Variants in MYO7B observed in about 807,000 individuals in gnomAD.
MYO7B encodes the protein unconventional myosin-VIIb.
A neutral mutation model predicts 259.7 loss-of-function variants in MYO7B; 212 were observed. That is an observed-to-expected ratio of 0.82 (90% CI 0.73 to 0.91). The LOEUF (loss-of-function observed/expected upper bound fraction) is 0.91, where lower values mean the gene tolerates loss of function less well. Ranked by LOEUF, MYO7B falls within the 40% of genes least tolerant of loss-of-function variation. MYO7B has a pLI of 0.00. For synonymous variants in MYO7B, 1,197 were observed against 1,166.4 expected, an observed-to-expected ratio of 1.03 and a Z score of -0.54; for missense variants, 2,732 against 2,813.5, an observed-to-expected ratio of 0.97 and a Z score of 0.66.
At chr2:127,631,428 T>G in intron 37 of MYO7B, 65 bp downstream of exon 37, 1 of 1,567,822 alleles carries the variant, frequency 6.4e-7, no homozygotes, top group Non-Finnish European at 8.7e-7. Flanking sequence ...CAGCACATCC[T>G]GGCCCTACAG....
intron 35 of MYO7B, among the ~76,000 whole-genome samples, chr2:127,630,047 C>G (rs1681384042): frequency 6.6e-6 from 1 of 152,210 alleles, no homozygotes; most frequent in African/African-American, 2.4e-5. Flanking sequence ...GGTGTTCCCT[C>G]CCTCTTCCAT....
intron 6 of MYO7B, among the ~76,000 whole-genome samples, chr2:127,573,233 A>G (rs2104904132): frequency 6.6e-6 from 1 of 152,328 alleles, no homozygotes; most frequent in East Asian, 1.9e-4. Context: ...AACAAATCAA[A>G]TATCATAGAA....
In MYO7B at chr2:127,547,872, C is replaced by G. The variant is rs371294767; in HGVS notation, c.-23-11828C>G. Among the ~76,000 whole-genome samples, 11 of 152,286 alleles carry G rather than the reference C, an allele frequency of 7.2e-5. No individual in the cohort carries two copies. The East Asian group carries it at 1.9e-3, about 27-fold the overall frequency. On this transcript the variant is annotated intron_variant, in intron 1 of 47. Coordinates refer to ENST00000409816, the MANE Select transcript of MYO7B (RefSeq NM_001393586.1). Reference sequence around the variant, plus strand: ...AAAGTATTTCCTCTGCTTCTGTTTCCTGGAAGATACTATGGAGAATTAGGC... The same window carrying G: ...AAAGTATTTCCTCTGCTTCTGTTTCGTGGAAGATACTATGGAGAATTAGGC...
chr2:127,615,014 G>A lies in MYO7B; in HGVS notation c.3398+2411G>A, dbSNP rs1680517091. Reference sequence around the variant, plus strand: ...CCCACTCTGGGTCAGGCCCCAGCCTGAGGGCCAGGGACAGAGATGAAGAAG... The same window carrying A: ...CCCACTCTGGGTCAGGCCCCAGCCTAAGGGCCAGGGACAGAGATGAAGAAG... On this transcript the variant is annotated intron_variant, in intron 26 of 47. Coordinates refer to ENST00000409816, the MANE Select transcript of MYO7B (RefSeq NM_001393586.1). This position sits in a 1 kb window ranked among gnomAD's most constrained non-coding sequence, Gnocchi z 4.4. Among the ~76,000 whole-genome samples the A allele has an allele frequency of 6.6e-6, 1 of 152,206 alleles. No homozygotes were observed. The highest frequency in any genetic ancestry group is 2.4e-5 in the African/African-American group (1 of 41,458).
intron 11 of MYO7B, 53 bp downstream of exon 11, chr2:127,582,063 G>T (rs201450322): frequency 3.7e-6 from 6 of 1,609,716 alleles, no homozygotes; most frequent in Non-Finnish European, 5.1e-6. Context: ...CCACGGCTCT[G>T]CTTCTTGCTG....
intron 26 of MYO7B, among the ~76,000 whole-genome samples, chr2:127,617,494 T>G (rs1018544582): frequency 8.0e-6 from 1 of 125,736 alleles, no homozygotes; most frequent in South Asian, 3.1e-4. Flanking sequence ...GGGGTTTTTT[T>G]TTTTTTTTTT....
At position 127,556,570 on chromosome 2, in the gene MYO7B, C is replaced by A. The variant is rs559023792; in HGVS notation, c.-23-3130C>A. Among the ~76,000 whole-genome samples, 8 of 152,222 alleles carry A rather than the reference C, an allele frequency of 5.3e-5. No individual in the cohort carries two copies. In the South Asian group the frequency reaches 1.7e-3, roughly 32 times the overall value. On this transcript the variant is annotated intron_variant, in intron 1 of 47. Coordinates refer to ENST00000409816, the MANE Select transcript of MYO7B (RefSeq NM_001393586.1). ...TTAGAACTCCTTTTAGCAGTTCTTG[C>A]AGTGCTGGCTTGGTAGTGGCAAATT...
At chr2:127,566,958 C>G in intron 5 of MYO7B, 131 bp downstream of exon 5, 1 of 955,320 alleles carries the variant, frequency 1.0e-6, no homozygotes, top group Non-Finnish European at 1.5e-6. Context: ...CAGCACACAA[C>G]GGCCCCAGTT....
chr2:127,548,678 T>C (rs1314536606), intron 1 of MYO7B, among the ~76,000 whole-genome samples: 1 of 152,174 alleles, frequency 6.6e-6, no homozygotes, highest in Non-Finnish European at 1.5e-5. Context: ...CCTCCCAAAG[T>C]GCTGGGGTTA....
rs762603886 is a variant in MYO7B, at chr2:127,584,351, C to T, written c.1554+19C>T. 2.4e-5 allele frequency: 39 copies of T among 1,611,718 alleles called. No individual in the cohort carries two copies. Among genetic ancestry groups the T allele is most frequent in the East Asian group, 8.9e-5 (4 of 44,884 alleles). On this transcript the variant is annotated intron_variant, in intron 13 of 47. Transcript: ENST00000409816. The surrounding 1 kb of genome is among the most constrained non-coding windows in gnomAD (Gnocchi z 5.8). ...CCCGCAGGTGTGTGTTCGGGCCTGC[C>T]GACCTTCTGGTGGAGGCCCTGCTAT...
At chr2:127,582,576 G>T in intron 12 of MYO7B, 130 bp downstream of exon 12, 1 of 1,116,490 alleles carries the variant, frequency 9.0e-7, no homozygotes, top group Admixed American at 2.3e-5. Context: ...CCAGATCCGT[G>T]TGCTCTGCAT....
At chr2:127,555,237 G>C (rs761199093) in intron 1 of MYO7B, among the ~76,000 whole-genome samples, 2 of 152,158 alleles carry the variant, frequency 1.3e-5, no homozygotes, top group African/African-American at 4.8e-5. Context: ...TTGAGCCACC[G>C]TGCCTGGCCG....
At chr2:127,536,820 A>G (rs553726083) in intron 1 of MYO7B, among the ~76,000 whole-genome samples, 1 of 152,282 alleles carries the variant, frequency 6.6e-6, no homozygotes, top group East Asian at 1.9e-4. Context: ...CACTCAGCTC[A>G]TCAGCCCACC....
intron 19 of MYO7B, 75 bp from the exon 20 acceptor site, chr2:127,605,769 A>G (rs1680137803): frequency 1.5e-6 from 2 of 1,337,794 alleles, no homozygotes; most frequent in Non-Finnish European, 2.1e-6. Flanking sequence ...TTCCCTTCCA[A>G]ACCAGTTTTT....
At chr2:127,555,099 C>G (rs542578992) in intron 1 of MYO7B, among the ~76,000 whole-genome samples, 8 of 152,170 alleles carry the variant, frequency 5.3e-5, no homozygotes, top group Admixed American at 1.3e-4. Flanking sequence ...AGGTGCCCAC[C>G]ACCATGCCTG....
intron 19 of MYO7B, among the ~76,000 whole-genome samples, chr2:127,604,475 C>T (rs1388982322): frequency 6.6e-6 from 1 of 152,234 alleles, no homozygotes; most frequent in Non-Finnish European, 1.5e-5. Flanking sequence ...GGCTGTTTCA[C>T]TTTCTCATCA....
rs1239899513 is a variant in MYO7B at position 127,608,894 on chromosome 2, T to C, written c.2814+16T>C. ...GCACTTTGAGGTAACACAAGCCTGGTGTCCACAATCCGCCCCGGGTGGGGA... is the reference window on the plus strand; with the variant it reads ...GCACTTTGAGGTAACACAAGCCTGGCGTCCACAATCCGCCCCGGGTGGGGA... On this transcript the variant is annotated intron_variant, in intron 22 of 47. Coordinates refer to ENST00000409816, the MANE Select transcript of MYO7B (RefSeq NM_001393586.1). 6.2e-7 allele frequency: 1 copy of C among 1,606,860 alleles called. No individual in the cohort carries two copies. Among genetic ancestry groups the C allele is most frequent in the Non-Finnish European group, 8.5e-7 (1 of 1,176,062 alleles).
At chr2:127,619,166 T>C (rs1467495750) in intron 26 of MYO7B, among the ~76,000 whole-genome samples, 1 of 117,466 alleles carries the variant, frequency 8.5e-6, no homozygotes, top group Non-Finnish European at 1.7e-5. Context: ...GGTTGGGTTG[T>C]GGTGGCTGGT....
At chr2:127,593,425 G>C in intron 17 of MYO7B, 121 bp from the exon 18 acceptor site, 1 of 953,920 alleles carries the variant, frequency 1.0e-6, no homozygotes, top group Admixed American at 2.6e-5. Flanking sequence ...TGCCTGGGCG[G>C]GGGTGGGCGG....
Sources: allele counts gnomAD v4.1 joint callset (sites outside exome capture counted in the v4.1 genomes callset), GRCh38; gene constraint gnomAD v4.1.1; non-coding constraint Gnocchi (gnomAD v3.1); transcripts MANE v1.5; gene names NCBI Gene and HGNC (gene_info 2026-07-23, HGNC 2026-07-21).